The following ADCY7 variants were observed in gnomAD, a reference collection of about 807,000 sequenced individuals.
ADCY7 encodes the protein adenylate cyclase type 7.
ADCY7 carries 72 observed loss-of-function variants against 120.6 expected under a neutral mutation model. The ratio of observed to expected loss-of-function variants is 0.60; its 90% confidence interval spans 0.49 to 0.73. The LOEUF (loss-of-function observed/expected upper bound fraction) is 0.73. Among genes scored for constraint, ADCY7 ranks in the 30% least tolerant of loss-of-function variants. ADCY7 has a pLI of 0.00. For missense variants in ADCY7, 1,227 were observed against 1,486.0 expected (o/e 0.83, Z 2.87); for synonymous variants, 661 against 628.0 (o/e 1.05, Z -0.78).
rs1460556888 is a variant in ADCY7 at position 50,311,798 on chromosome 16, G to GCCC, written c.2448+12_2448+13insCCC. On this transcript the variant is annotated intron_variant, in intron 20 of 25. Transcript: ENST00000673801. ...CACTCTCCAGACAGGTAAGGAGGCT[G>GCCC]GCCCCCCCCCCCCCCCCAAGCTCTG... 2 of 1,331,856 alleles carry GCCC rather than the reference G, an allele frequency of 1.5e-6. No individual in the cohort carries two copies. The highest frequency in any genetic ancestry group is 2.2e-5 in the African/African-American group (1 of 45,960). 82.5% of individuals were successfully genotyped at this position (1,331,856 alleles called of 1,614,324 possible).
chr16:50,283,830 C>G (rs375772880), intron 1 of ADCY7, among the ~76,000 whole-genome samples: 10 of 152,112 alleles, frequency 6.6e-5, no homozygotes, highest in African/African-American at 2.2e-4. Flanking sequence ...GCAGGGCTTG[C>G]CTTGAGCTAA....
At chr16:50,255,012 A>G (rs575373896) in intron 1 of ADCY7, among the ~76,000 whole-genome samples, 1 of 151,140 alleles carries the variant, frequency 6.6e-6, no homozygotes, top group African/African-American at 2.4e-5. Flanking sequence ...TGGGCTAGGC[A>G]TGGTGGCTCA....
At chr16:50,289,279 T>C in intron 2 of ADCY7, 2 of 420,772 alleles carry the variant, frequency 4.8e-6, no homozygotes, top group South Asian at 1.7e-5. Flanking sequence ...CAAGTAATCC[T>C]CCTGCCTTGG....
intron 9 of ADCY7, 86 bp downstream of exon 9, chr16:50,300,959 T>C (rs539825418): frequency 2.6e-6 from 4 of 1,531,368 alleles, no homozygotes; most frequent in Non-Finnish European, 3.5e-6. Flanking sequence ...GGGGGTCAGG[T>C]GTGGAGGGAG....
chr16:50,292,068 G>A (rs2035018707), intron 4 of ADCY7, among the ~76,000 whole-genome samples, 171 bp downstream of exon 4: 1 of 152,226 alleles, frequency 6.6e-6, no homozygotes, highest in South Asian at 2.1e-4. Context: ...GGCTCCAGGC[G>A]TGGCCCTGCC....
chr16:50,310,096 G>A (rs1259446787), intron 18 of ADCY7, among the ~76,000 whole-genome samples: 1 of 152,232 alleles, frequency 6.6e-6, no homozygotes, highest in African/African-American at 2.4e-5. Flanking sequence ...CAGCTTCAGA[G>A]GCTGGCAGTG....
intron 6 of ADCY7, 76 bp downstream of exon 6, chr16:50,293,578 C>A (rs990879153): frequency 1.3e-6 from 2 of 1,533,812 alleles, no homozygotes; most frequent in Admixed American, 1.9e-5. Flanking sequence ...GCGGCCTCCC[C>A]GCCCTATCTG....
intron 24 of ADCY7, 184 bp downstream of exon 24, chr16:50,314,590 TGA>T (rs1567586328): frequency 3.6e-6 from 2 of 561,416 alleles, no homozygotes; most frequent in Admixed American, 3.3e-5. Flanking sequence ...TAGTTACCAT[TGA>T]GAGTTTTAAT....
Position 50,252,363 on chromosome 16 carries a change from C to T in ADCY7, c.-64+6160C>T, listed in dbSNP as rs564363192. Among the ~76,000 whole-genome samples the T allele has an allele frequency of 1.6e-4, 24 of 152,284 alleles. No individual in the cohort carries two copies. In the East Asian group the frequency reaches 2.9e-3, roughly 18 times the overall value. ...CACTGGTCCCCCGCCAGCCTGGCTT[C>T]GGGGCCAGCAGGAATGGGTTGAGCA... is the stretch of plus-strand genomic sequence containing the variant. On this transcript the variant is annotated intron_variant, in intron 1 of 4. Transcript: ENST00000564044.
At position 50,288,148 on chromosome 16, in the gene ADCY7, CCCCTT is replaced by C; in HGVS notation, c.-31_-27del. 5.3e-6 allele frequency: 8 copies of C among 1,523,494 alleles called. No individual in the cohort carries two copies. The highest frequency in any genetic ancestry group is 7.1e-6 in the Non-Finnish European group (8 of 1,131,652). 94.4% of individuals were successfully genotyped at this position (1,523,494 alleles called of 1,614,324 possible). On this transcript the variant is annotated 5_prime_UTR_variant, in exon 2 of 26. Coordinates refer to ENST00000673801, the MANE Select transcript of ADCY7 (RefSeq NM_001114.5). ...CCAGGCCCTGGGGCCTCCTTAACGGCCCCTTAACGACACGCGTGCCAAGGGTGGAG... is the reference window on the plus strand; with the variant it reads ...CCAGGCCCTGGGGCCTCCTTAACGGCAACGACACGCGTGCCAAGGGTGGAG...
intron 17 of ADCY7, chr16:50,309,262 C>T: frequency 2.3e-6 from 1 of 437,602 alleles, no homozygotes; most frequent in Non-Finnish European, 4.1e-6. Context: ...GTGACCACCT[C>T]CCTCAGGGTC....
chr16:50,306,170 T>G (rs1011816253), intron 14 of ADCY7, among the ~76,000 whole-genome samples: 13 of 152,244 alleles, frequency 8.5e-5, no homozygotes, highest in Admixed American at 8.5e-4. Context: ...GCACCGGCCT[T>G]GCAATGAGAC....
At position 50,308,327 on chromosome 16, in the gene ADCY7, G is replaced by A; in HGVS notation, c.1851G>A (p.Arg617=). The change falls in exon 16 of 26, where the codon AGG becomes AGA. Residue 617 remains arginine (R), a splice_region_variant and synonymous_variant. Transcript: ENST00000673801. ...ACTGAGGTTCTTCCCTCCTCTCCAG[G>A]ACGGCGGCACTGGGTGTGTCCTTCG... is the stretch of plus-strand genomic sequence containing the variant. ...ILLVHVLLMP[R]TAALGVSFGL... is the part of the protein sequence containing the mutation. 6.2e-7 allele frequency: 1 copy of A among 1,614,228 alleles called. No individual in the cohort carries two copies. The highest frequency in any genetic ancestry group is 8.5e-7 in the Non-Finnish European group (1 of 1,180,038).
At chr16:50,313,267 A>C (rs2036584487) in intron 22 of ADCY7, 3 of 425,676 alleles carry the variant, frequency 7.0e-6, no homozygotes, top group Non-Finnish European at 1.3e-5. Context: ...AAATACAAAA[A>C]ATTACAAGCT....
In ADCY7 at chr16:50,292,832, C is replaced by A. The variant is rs375328894; in HGVS notation, c.687+7C>A. 6.2e-7 allele frequency: 1 copy of A among 1,612,514 alleles called. No homozygotes were observed. Among genetic ancestry groups the A allele is most frequent in the East Asian group, 2.2e-5 (1 of 44,880 alleles). On this transcript the variant is annotated splice_region_variant and intron_variant, in intron 5 of 25. Transcript: ENST00000673801. ...CATCGAGAAGCGCCAGCAGGTGGGA[C>A]CCGGCCCCCACTCCTCACCCTGTAC...
chr16:50,311,667 T>C (rs769967675), intron 19 of ADCY7, 26 bp from the exon 20 acceptor site: 82 of 1,551,456 alleles, frequency 5.3e-5, no homozygotes, highest in Non-Finnish European at 7.2e-5. Flanking sequence ...GTGCTGGGAG[T>C]GACTTGGGCC....
At chr16:50,245,963 G>C (rs944486713), upstream of ADCY7, among the ~76,000 whole-genome samples, 1 of 148,532 alleles carries the variant, frequency 6.7e-6, no homozygotes, top group African/African-American at 2.5e-5. Flanking sequence ...CTGGGGTGGG[G>C]TGGGGTGGGG....
intron 3 of ADCY7, among the ~76,000 whole-genome samples, chr16:50,291,401 G>A (rs574625173): frequency 1.6e-3 from 250 of 152,240 alleles, no homozygotes; most frequent in African/African-American, 5.6e-3. Flanking sequence ...GTGAGAGGGT[G>A]CCTCAGCCTC....
chr16:50,279,032 G>A (rs1170171813), intron 1 of ADCY7, among the ~76,000 whole-genome samples: 1 of 152,020 alleles, frequency 6.6e-6, no homozygotes, highest in East Asian at 1.9e-4. Flanking sequence ...CCACCACCTT[G>A]GGCTCATTTT....
Sources: allele counts gnomAD v4.1 joint callset (sites outside exome capture counted in the v4.1 genomes callset), GRCh38; gene constraint gnomAD v4.1.1; transcripts MANE v1.5; gene names NCBI Gene and HGNC (gene_info 2026-07-23, HGNC 2026-07-21).